The following MAP3K7 variants were observed in gnomAD, a reference collection of about 807,000 sequenced individuals.
The protein encoded by MAP3K7 is TGF-beta activated kinase 1.
MAP3K7 carries 21 observed loss-of-function variants against 84.8 expected under a neutral mutation model. The ratio of observed to expected loss-of-function variants is 0.25; its 90% CI spans 0.18 to 0.36. The LOEUF (loss-of-function observed/expected upper bound fraction) is 0.36, where lower values mean the gene tolerates loss of function less well. Ranked by LOEUF, MAP3K7 falls within the 10% of genes least tolerant of loss-of-function variation. The probability of loss-of-function intolerance (pLI) is 1.00; values close to 1 mark genes in which losing one functional copy is unlikely to be tolerated. For synonymous variants in MAP3K7, 241 were observed against 247.7 expected, an observed-to-expected ratio of 0.97 and a Z score of 0.25; for missense variants, 503 against 747.7, an observed-to-expected ratio of 0.67 and a Z score of 3.82.
chr6:90,563,354 A>G (rs973900773), intron 3 of MAP3K7, among the ~76,000 whole-genome samples: 2 of 152,188 alleles, frequency 1.3e-5, no homozygotes, highest in African/African-American at 4.8e-5. Flanking sequence ...GCTAACTAGA[A>G]TAAACAGCAT....
intron 12 of MAP3K7, among the ~76,000 whole-genome samples, chr6:90,537,583 A>T (rs1775721443): frequency 6.6e-6 from 1 of 152,032 alleles, no homozygotes; most frequent in Non-Finnish European, 1.5e-5. Context: ...GTAAGACATC[A>T]TCAGTTTTTT....
rs1426470012 is a variant in MAP3K7 at position 90,586,754 on chromosome 6, C to A, written c.120+10G>T. On this transcript the variant is annotated intron_variant, in intron 1 of 16. Transcript: ENST00000369329. ...CCGGGACCGGCGTCTCCATGCCGGG[C>A]CTCGCTCACCTCTTCCACCTCGATC... The A allele has an allele frequency of 7.0e-6, 11 of 1,577,846 alleles. No individual in the cohort carries two copies. Among genetic ancestry groups the A allele is most frequent in the Non-Finnish European group, 9.5e-6 (11 of 1,161,878 alleles).
chr6:90,536,323 G>T lies in MAP3K7; in HGVS notation c.1356+14C>A. On this transcript the variant is annotated intron_variant, in intron 13 of 16. Coordinates refer to ENST00000369329, the MANE Select transcript of MAP3K7 (RefSeq NM_145331.3). The stretch of plus-strand genomic sequence containing the variant: ...AGTATTCTTCAAAGATAGAAAATTT[G>T]AATGTTGTCTTACCTGACCAGGTTC... 6.2e-7 allele frequency: 1 copy of T among 1,602,342 alleles called. No individual in the cohort carries two copies. The highest frequency in any genetic ancestry group is 1.1e-5 in the South Asian group (1 of 90,746).
At chr6:90,559,274 G>C (rs374957344) in intron 5 of MAP3K7, among the ~76,000 whole-genome samples, 1 of 152,130 alleles carries the variant, frequency 6.6e-6, no homozygotes, top group East Asian at 1.9e-4. Flanking sequence ...CACCCAGAAG[G>C]GATGTTTTAA....
At chr6:90,569,491 CT>C (rs1776829829) in intron 2 of MAP3K7, among the ~76,000 whole-genome samples, 1 of 151,578 alleles carries the variant, frequency 6.6e-6, no homozygotes, top group Admixed American at 6.6e-5. Context: ...TTCTTTCTTT[CT>C]TTCTTTTGAG....
chr6:90,579,128 G>A (rs1483646668), intron 1 of MAP3K7, among the ~76,000 whole-genome samples: 1 of 152,076 alleles, frequency 6.6e-6, no homozygotes, highest in Non-Finnish European at 1.5e-5. Context: ...TCCAGTGCCT[G>A]GTACAGAGAA....
chr6:90,559,062 G>C (rs1009366981), intron 5 of MAP3K7, among the ~76,000 whole-genome samples: 1 of 152,176 alleles, frequency 6.6e-6, no homozygotes, highest in Admixed American at 6.5e-5. Context: ...AAGGCTAAGT[G>C]ATTTTTTCAT....
chr6:90,586,901 G>A lies in MAP3K7; in HGVS notation c.-18C>T. ...GTAGACATGATCCCTCGCGGCGCCC[G>A]GTGGGGCCGGGAACGGTGCCACCCG... On this transcript the variant is annotated 5_prime_UTR_variant, in exon 1 of 17. Transcript: ENST00000369329. 1 of 1,598,756 alleles carries A rather than the reference G, an allele frequency of 6.3e-7. No individual in the cohort carries two copies. Among genetic ancestry groups the A allele is most frequent in the African/African-American group, 1.4e-5 (1 of 73,856 alleles).
chr6:90,578,260 GTTTGTTTTGT>G (rs906092805), intron 1 of MAP3K7, among the ~76,000 whole-genome samples: 1 of 152,068 alleles, frequency 6.6e-6, no homozygotes, highest in Non-Finnish European at 1.5e-5. Context: ...GAGGACAGGA[GTTTGTTTTGT>G]TTTGTTTTGT....
intron 13 of MAP3K7, among the ~76,000 whole-genome samples, chr6:90,532,284 T>C (rs1775534171): frequency 6.6e-6 from 1 of 152,214 alleles, no homozygotes; most frequent in South Asian, 2.1e-4. Context: ...TGCTATTTTC[T>C]TTTTATTTCT....
At chr6:90,525,038 TAAAACATAAGA>T (rs779940142) in intron 13 of MAP3K7, among the ~76,000 whole-genome samples, 1 of 141,828 alleles carries the variant, frequency 7.1e-6, no homozygotes. Context: ...GAAAGAGAAA[TAAAACATAAGA>T]GAGCAAACTT....
At chr6:90,525,045 TAA>T (rs140488307) in intron 13 of MAP3K7, among the ~76,000 whole-genome samples, 34,500 of 151,592 alleles carry the variant, frequency 0.23, 4,299 homozygotes, top group Non-Finnish European at 0.29. Context: ...AAATAAAACA[TAA>T]GAGAGCAAAC....
intron 11 of MAP3K7, among the ~76,000 whole-genome samples, chr6:90,546,697 A>C (rs1436961099): frequency 3.3e-5 from 5 of 152,190 alleles, no homozygotes; most frequent in Non-Finnish European, 7.3e-5. Context: ...GAACTGAACA[A>C]TGGAATTTAA....
At chr6:90,572,351 G>A (rs1408560739) in intron 1 of MAP3K7, among the ~76,000 whole-genome samples, 5 of 151,982 alleles carry the variant, frequency 3.3e-5, no homozygotes, top group East Asian at 1.9e-4. Context: ...ATTTTATTCC[G>A]CAAGAAAAAC....
intron 12 of MAP3K7, among the ~76,000 whole-genome samples, chr6:90,543,797 T>C (rs2127969485): frequency 6.6e-6 from 1 of 152,206 alleles, no homozygotes; most frequent in African/African-American, 2.4e-5. Flanking sequence ...CATTAATCAA[T>C]ACTGAAGGTC....
At chr6:90,523,811 A>T (rs897202482) in intron 13 of MAP3K7, 28 bp from the exon 14 acceptor site, 17 of 1,303,028 alleles carry the variant, frequency 1.3e-5, no homozygotes, top group Non-Finnish European at 1.8e-5. Flanking sequence ...AGGAGAAACA[A>T]AATGTGATTT....
intron 11 of MAP3K7, among the ~76,000 whole-genome samples, chr6:90,546,517 C>T (rs1283930239): frequency 2.0e-5 from 3 of 152,052 alleles, no homozygotes; most frequent in Non-Finnish European, 2.9e-5. Flanking sequence ...CTTTTAAAAT[C>T]AGCTCCCCCT....
chr6:90,579,868 GACAA>G (rs767037053), intron 1 of MAP3K7, among the ~76,000 whole-genome samples: 111 of 152,234 alleles, frequency 7.3e-4, no homozygotes, highest in Middle Eastern at 6.8e-3. Context: ...GTGGGAGACA[GACAA>G]ACAAAAAATT....
rs990811596 is a variant in MAP3K7, at chr6:90,568,740, T to C, written c.232-117A>G. ...TTTGTTTAAATCATTCAACAATCACTATTTACTATGTAACAGGCATTGCAA... is the reference window on the plus strand; with the variant it reads ...TTTGTTTAAATCATTCAACAATCACCATTTACTATGTAACAGGCATTGCAA... On this transcript the variant is annotated intron_variant, in intron 2 of 16. Coordinates refer to ENST00000369329, the MANE Select transcript of MAP3K7 (RefSeq NM_145331.3). 8 of 714,080 alleles carry C rather than the reference T, an allele frequency of 1.1e-5. No homozygotes were observed. In the African/African-American group the frequency reaches 1.3e-4, roughly 11 times the overall value. 44.2% of individuals were successfully genotyped at this position (714,080 alleles called of 1,614,324 possible).
Sources: gnomAD v4.1 joint callset for allele counts (sites outside exome capture counted in the v4.1 genomes callset) on GRCh38, gnomAD v4.1.1 for gene constraint, MANE v1.5 for transcripts, NCBI Gene and HGNC (gene_info 2026-07-23, HGNC 2026-07-21) for gene names.